The following GPR180 variants were observed in gnomAD, a reference collection of about 807,000 sequenced individuals.
GPR180 encodes integral membrane protein GPR180.
A neutral mutation model predicts 52.6 loss-of-function variants in GPR180; 53 were observed. The ratio of observed to expected loss-of-function variants is 1.01; its 90% CI spans 0.81 to 1.27. The LOEUF is 1.27. Ranked by LOEUF, GPR180 falls within the 50% of genes most tolerant of loss-of-function variation. The pLI, the probability that GPR180 is intolerant of heterozygous loss-of-function variation, is 0.00. For missense variants in GPR180, 533 were observed against 527.0 expected, an observed-to-expected ratio of 1.01 and a Z score of -0.11; for synonymous variants, 200 against 193.1, an observed-to-expected ratio of 1.04 and a Z score of -0.30.
chr13:94,622,581 GCTGTGGTAGCT>G (rs1371948435), intron 6 of GPR180, among the ~76,000 whole-genome samples: 1 of 152,168 alleles, frequency 6.6e-6, no homozygotes, highest in African/African-American at 2.4e-5. Flanking sequence ...TGAACCATGG[GCTGTGGTAGCT>G]CTGTGGTAGC....
At position 94,634,502 on chromosome 13, in the gene GPR180, A is replaced by C. The variant is rs977264215; in HGVS notation, c.*7331A>C. 6.6e-6 allele frequency: 1 copy of C among 152,088 alleles called. No homozygotes were observed. The highest frequency in any genetic ancestry group is 1.5e-5 in the Non-Finnish European group (1 of 67,998). The allele number at this position is 152,088 out of a possible 1,614,324, so 9.4% of individuals were successfully genotyped here. On this transcript the variant is annotated 3_prime_UTR_variant, in exon 9 of 9. Coordinates refer to ENST00000376958, the MANE Select transcript of GPR180 (RefSeq NM_180989.6). ...CTCTTGTACATTTCTTGATATGAAT[A>C]TGTTAATGTTTTCTTTCATTATGTT...
rs1331119896 is a variant in GPR180, at chr13:94,612,385, A to T, written c.500A>T (p.Glu167Val). The change falls in exon 3 of 9, where the codon GAA becomes GTA. Residue 167 changes from glutamate to valine, a missense_variant. Physicochemically the swap from Glu to Val is moderately radical, Grantham distance 121 (BLOSUM62 -2). Transcript: ENST00000376958. ...GNPFDHFSAGESGLHEFFFLL... is the reference protein window; with the variant it reads ...GNPFDHFSAGVSGLHEFFFLL... ...CCATTTGATCATTTTAGTGCTGGAGAATCTGGTAAGAATATGTATTTGAAT... is the reference window on the plus strand; with the variant it reads ...CCATTTGATCATTTTAGTGCTGGAGTATCTGGTAAGAATATGTATTTGAAT... The T allele has an allele frequency of 1.9e-6, 3 of 1,599,874 alleles. No homozygotes were observed. Among genetic ancestry groups the T allele is most frequent in the Non-Finnish European group, 2.6e-6 (3 of 1,167,018 alleles).
chr13:94,605,202 C>T (rs1051596523), intron 1 of GPR180, among the ~76,000 whole-genome samples, 189 bp from the exon 2 acceptor site: 4 of 152,142 alleles, frequency 2.6e-5, no homozygotes, highest in Admixed American at 1.3e-4. Context: ...AAATACCACA[C>T]GTTCATTTGA....
At chr13:94,622,659 C>T (rs1032784032) in intron 6 of GPR180, among the ~76,000 whole-genome samples, 1 of 152,200 alleles carries the variant, frequency 6.6e-6, no homozygotes, top group Non-Finnish European at 1.5e-5. Context: ...CAGGAACCTC[C>T]ACCTCCTGGG....
At position 94,631,092 on chromosome 13, in the gene GPR180, G is replaced by A. The variant is rs1889989295; in HGVS notation, c.*3921G>A. 1.3e-5 allele frequency: 2 copies of A among 152,198 alleles called. No homozygotes were observed. Among genetic ancestry groups the A allele is most frequent in the South Asian group, 2.1e-4 (1 of 4,828 alleles). The allele number at this position is 152,198 out of a possible 1,614,324, so 9.4% of individuals were successfully genotyped here. On this transcript the variant is annotated 3_prime_UTR_variant, in exon 9 of 9. Transcript: ENST00000376958. ...GCCCACAGGAACACCAGTTCCTGCC[G>A]GAATGGCTCCTTCAGCTTCTCTGGC...
chr13:94,613,096 T>C (rs1042001703), intron 3 of GPR180, among the ~76,000 whole-genome samples: 31 of 152,240 alleles, frequency 2.0e-4, no homozygotes, highest in Admixed American at 1.7e-3. Context: ...TATAACTGAT[T>C]TGTAAATTAA....
At chr13:94,609,130 A>T (rs1036723634) in intron 2 of GPR180, among the ~76,000 whole-genome samples, 1 of 152,194 alleles carries the variant, frequency 6.6e-6, no homozygotes, top group Non-Finnish European at 1.5e-5. Context: ...GTCTTTTTAC[A>T]TATTATGCAT....
At chr13:94,611,517 C>A (rs936089341) in intron 2 of GPR180, among the ~76,000 whole-genome samples, 2 of 152,078 alleles carry the variant, frequency 1.3e-5, no homozygotes, top group African/African-American at 4.8e-5. Context: ...TTAACCAACC[C>A]GGAAACTGTG....
In GPR180 at chr13:94,628,929, TTG is replaced by T. The variant is rs1390551351; in HGVS notation, c.*1762_*1763del. On this transcript the variant is annotated 3_prime_UTR_variant, in exon 9 of 9. Transcript: ENST00000376958. ...TGCCAAAAGGGGAAGGGAAAAATCT[TTG>T]TGTTACTTCACTCAAAGAACATAAG... The T allele has an allele frequency of 2.0e-5, 3 of 152,148 alleles. No individual in the cohort carries two copies. The highest frequency in any genetic ancestry group is 7.2e-5 in the African/African-American group (3 of 41,458). The allele number at this position is 152,148 out of a possible 1,614,324, so 9.4% of individuals were successfully genotyped here. A position where few individuals can be genotyped will look rare whatever the true frequency, so the allele number is the denominator to read the frequency against.
At chr13:94,620,753 T>C (rs1889840134) in intron 5 of GPR180, among the ~76,000 whole-genome samples, 1 of 152,198 alleles carries the variant, frequency 6.6e-6, no homozygotes, top group Admixed American at 6.5e-5. Flanking sequence ...CAGGATTATG[T>C]AGTTAGAAAA....
At chr13:94,603,517 A>C (rs1219479262) in intron 1 of GPR180, among the ~76,000 whole-genome samples, 1 of 152,216 alleles carries the variant, frequency 6.6e-6, no homozygotes, top group Non-Finnish European at 1.5e-5. Flanking sequence ...ACCAATTTTC[A>C]TGAATCCCAA....
In GPR180 at chr13:94,619,198, C is replaced by G. The variant is rs1438025923; in HGVS notation, c.554C>G (p.Ala185Gly). 6.2e-7 allele frequency: 1 copy of G among 1,613,964 alleles called. No homozygotes were observed. The highest frequency in any genetic ancestry group is 8.5e-7 in the Non-Finnish European group (1 of 1,179,910). ...FLLVLVYFVI[A>G]CIYAQSLWQA... ...CTAGTCCTAGTGTACTTTGTGATTGCTTGCATTTATGCTCAATCATTGTGG... is the reference window on the plus strand; with the variant it reads ...CTAGTCCTAGTGTACTTTGTGATTGGTTGCATTTATGCTCAATCATTGTGG... The change falls in exon 4 of 9, where the codon GCT becomes GGT. Residue 185 changes from alanine (A) to glycine (G), a missense_variant. Physicochemically the swap from Ala to Gly is moderately conservative, Grantham distance 60. Coordinates refer to ENST00000376958, the MANE Select transcript of GPR180 (RefSeq NM_180989.6).
chr13:94,602,017 C>A lies in GPR180; in HGVS notation c.90C>A (p.Ser30Arg). The change falls in exon 1 of 9, where the codon AGC becomes AGA. Residue 30 changes from serine to arginine, a missense_variant. Coordinates refer to ENST00000376958, the MANE Select transcript of GPR180 (RefSeq NM_180989.6). Reference sequence around the variant, plus strand: ...GTAAGACCCTGCGGGGCAGCTTCAGCAGCACCGCGGCCCAGGACGCCCAGG... The same window carrying A: ...GTAAGACCCTGCGGGGCAGCTTCAGAAGCACCGCGGCCCAGGACGCCCAGG... ...SQGKTLRGSF[S>R]STAAQDAQGQ... is the part of the protein sequence containing the mutation. 6.8e-7 allele frequency: 1 copy of A among 1,468,692 alleles called. No individual in the cohort carries two copies. 91.0% of individuals were successfully genotyped at this position (1,468,692 alleles called of 1,614,324 possible). A position where few individuals can be genotyped will look rare whatever the true frequency, so the allele number is the denominator to read the frequency against.
Position 94,626,096 on chromosome 13 carries a change from T to C in GPR180, c.1164+53T>C, listed in dbSNP as rs141166396. ...TTTCTTAATGAAAATATTGTCTTAATTGGGAGAATATTTAAATAGGAGGGA... is the reference window on the plus strand; with the variant it reads ...TTTCTTAATGAAAATATTGTCTTAACTGGGAGAATATTTAAATAGGAGGGA... On this transcript the variant is annotated intron_variant, in intron 8 of 8. Transcript: ENST00000376958. 264 of 1,250,200 alleles carry C rather than the reference T, an allele frequency of 2.1e-4. 3 individuals carry two copies. In the African/African-American group the frequency reaches 3.5e-3, roughly 17 times the overall value. 77.4% of individuals were successfully genotyped at this position (1,250,200 alleles called of 1,614,324 possible).
chr13:94,612,543 C>A lies in GPR180; in HGVS notation c.505+153C>A, dbSNP rs145778825. Among the ~76,000 whole-genome samples the A allele has an allele frequency of 3.5e-4, 54 of 152,196 alleles. 1 individual carries two copies. In the East Asian group the frequency reaches 0.01, roughly 29 times the overall value. ...TAATCTTCTTATAGCATTTTGATAG[C>A]CATCATATTAATTTTTAAAAGCAGA... On this transcript the variant is annotated intron_variant, in intron 3 of 8. Coordinates refer to ENST00000376958, the MANE Select transcript of GPR180 (RefSeq NM_180989.6).
chr13:94,630,710 C>T lies in GPR180; in HGVS notation c.*3539C>T, dbSNP rs115100632. 4,249 of 152,352 alleles carry T rather than the reference C, an allele frequency of 0.028. 199 individuals carry two copies. Among genetic ancestry groups the T allele is most frequent in the African/African-American group, 0.095 (3,956 of 41,552 alleles). The allele number at this position is 152,352 out of a possible 1,614,324, so 9.4% of individuals were successfully genotyped here. On this transcript the variant is annotated 3_prime_UTR_variant, in exon 9 of 9. Transcript: ENST00000376958. ...ACTTGGCACTAGCCATCTTCTCTGC[C>T]TGGGACATTCTCTTCCAAATCTTAG...
rs1321630583 is a variant in GPR180 at position 94,630,488 on chromosome 13, C to G, written c.*3317C>G. On this transcript the variant is annotated 3_prime_UTR_variant, in exon 9 of 9. Coordinates refer to ENST00000376958, the MANE Select transcript of GPR180 (RefSeq NM_180989.6). The stretch of plus-strand genomic sequence containing the variant: ...AGTTTAAAAATCATATAAATCAGAT[C>G]AAACTACTACTTCCCTGACAAAAAC... 6.6e-6 allele frequency: 1 copy of G among 152,212 alleles called. No individual in the cohort carries two copies. Among genetic ancestry groups the G allele is most frequent in the African/African-American group, 2.4e-5 (1 of 41,452 alleles). The allele number at this position is 152,212 out of a possible 1,614,324, so 9.4% of individuals were successfully genotyped here. A position where few individuals can be genotyped will look rare whatever the true frequency, so the allele number is the denominator to read the frequency against.
At chr13:94,612,802 A>G (rs1889727912) in intron 3 of GPR180, among the ~76,000 whole-genome samples, 1 of 152,234 alleles carries the variant, frequency 6.6e-6, no homozygotes, top group Admixed American at 6.5e-5. Flanking sequence ...ATGGTAACAA[A>G]TTAAACAATT....
intron 1 of GPR180, among the ~76,000 whole-genome samples, chr13:94,603,082 A>ATT (rs56263700): frequency 0.35 from 51,773 of 147,972 alleles, 9,992 homozygotes; most frequent in African/African-American, 0.52. Context: ...AGGGATCCTG[A>ATT]TTTTTTTTTT....
Sources: gnomAD v4.1 joint callset for allele counts (sites outside exome capture counted in the v4.1 genomes callset) on GRCh38, gnomAD v4.1.1 for gene constraint, MANE v1.5 for transcripts, NCBI Gene and HGNC (gene_info 2026-07-23, HGNC 2026-07-21) for gene names.